Variants in FBXO28 observed in about 807,000 individuals in gnomAD.
FBXO28 encodes the protein F-box protein 28, also known as F-box only protein 28.
FBXO28 carries 8 observed loss-of-function variants against 38.1 expected under a neutral mutation model. That is an observed-to-expected ratio of 0.21 (90% CI 0.12 to 0.38). The LOEUF (loss-of-function observed/expected upper bound fraction) is 0.38. Ranked by LOEUF, FBXO28 falls within the 10% of genes least tolerant of loss-of-function variation. The probability of loss-of-function intolerance (pLI) is 1.00; values close to 1 mark genes in which losing one functional copy is unlikely to be tolerated. For missense variants in FBXO28, 345 were observed against 460.6 expected, an observed-to-expected ratio of 0.75 and a Z score of 2.30; for synonymous variants, 168 against 173.8, an observed-to-expected ratio of 0.97 and a Z score of 0.26.
chr1:224,135,594 AG>A (rs1657155721), intron 3 of FBXO28, among the ~76,000 whole-genome samples: 1 of 140,192 alleles, frequency 7.1e-6, no homozygotes, highest in Non-Finnish European at 1.5e-5. Context: ...CCTGGGCAAC[AG>A]AGCAAGACTC....
At chr1:224,129,083 G>T (rs1558189064) in intron 1 of FBXO28, among the ~76,000 whole-genome samples, 1 of 151,514 alleles carries the variant, frequency 6.6e-6, no homozygotes, top group African/African-American at 2.4e-5. Flanking sequence ...GCTCACACTT[G>T]TAATCCCAAC....
At chr1:224,139,311 G>T (rs1235213077) in intron 3 of FBXO28, among the ~76,000 whole-genome samples, 2 of 151,398 alleles carry the variant, frequency 1.3e-5, no homozygotes, top group African/African-American at 2.4e-5. Context: ...TCTTTTTTTT[G>T]TGTGTGTAAA....
At chr1:224,116,664 A>T (rs556307572) in intron 1 of FBXO28, among the ~76,000 whole-genome samples, 5 of 152,276 alleles carry the variant, frequency 3.3e-5, no homozygotes, top group African/African-American at 1.2e-4. Context: ...GTCTTATTGG[A>T]ACCTCAGTTA....
At chr1:224,156,433 A>G (rs1164247657) in intron 4 of FBXO28, among the ~76,000 whole-genome samples, 1 of 152,176 alleles carries the variant, frequency 6.6e-6, no homozygotes, top group Non-Finnish European at 1.5e-5. Flanking sequence ...CAGGCTGAGT[A>G]TCCCTTATCC....
At position 224,136,722 on chromosome 1, in the gene FBXO28, T is replaced by A. The variant is rs369438575; in HGVS notation, c.516+2510T>A. ...CAGCCTGGGCGACAGAGCAAGACTTTGTCTCCAGAAAAAAAAAAAGTTCAG... is the reference window on the plus strand; with the variant it reads ...CAGCCTGGGCGACAGAGCAAGACTTAGTCTCCAGAAAAAAAAAAAGTTCAG... On this transcript the variant is annotated intron_variant, in intron 3 of 4. Transcript: ENST00000366862. 9.3e-5 allele frequency among the ~76,000 whole-genome samples: 14 copies of A among 151,212 alleles called. 1 individual carries two copies. Among genetic ancestry groups the A allele is most frequent in the African/African-American group, 3.4e-4 (14 of 40,936 alleles).
chr1:224,125,820 G>A (rs552257046), intron 1 of FBXO28, among the ~76,000 whole-genome samples: 1 of 151,816 alleles, frequency 6.6e-6, no homozygotes, highest in South Asian at 2.1e-4. Context: ...TTTTATTTGG[G>A]GGTTCACCAC....
chr1:224,125,800 C>T (rs1036184552), intron 1 of FBXO28, among the ~76,000 whole-genome samples: 4 of 152,064 alleles, frequency 2.6e-5, no homozygotes, highest in African/African-American at 9.7e-5. Flanking sequence ...TGCCACCACA[C>T]CCAGCTAATT....
At chr1:224,122,604 A>G (rs1374177525) in intron 1 of FBXO28, among the ~76,000 whole-genome samples, 3 of 144,510 alleles carry the variant, frequency 2.1e-5, no homozygotes, top group African/African-American at 7.7e-5. Context: ...TTTTTTTTTT[A>G]CAGCCCCCCC....
At position 224,159,325 on chromosome 1, in the gene FBXO28, A is replaced by G. The variant is rs960420419; in HGVS notation, c.*1579A>G. 5.2e-5 allele frequency: 8 copies of G among 152,576 alleles called. No homozygotes were observed. The highest frequency in any genetic ancestry group is 8.8e-5 in the Non-Finnish European group (6 of 68,028). The allele number at this position is 152,576 out of a possible 1,614,324, so 9.5% of individuals were successfully genotyped here. On this transcript the variant is annotated 3_prime_UTR_variant, in exon 5 of 5. Transcript: ENST00000366862. ...TTTATCCGTCCACCGTGACATGGTT[A>G]TGCATCCTTTAGATTAACCTCACCA...
At chr1:224,146,669 C>CCA (rs1657513717) in intron 3 of FBXO28, among the ~76,000 whole-genome samples, 1 of 151,368 alleles carries the variant, frequency 6.6e-6, no homozygotes, top group African/African-American at 2.4e-5. Context: ...AAGCCACCAG[C>CCA]CACAGCCTGT....
Position 224,139,927 on chromosome 1 carries a change from T to TA in FBXO28, c.516+5725dup, listed in dbSNP as rs565658830. On this transcript the variant is annotated intron_variant, in intron 3 of 4. Transcript: ENST00000366862. Reference sequence around the variant, plus strand: ...GGCTGCAAAGTAAGACCCCCGTCTCTAAAAAAAAAATTAATTAGCTGGGTG... The same window carrying TA: ...GGCTGCAAAGTAAGACCCCCGTCTCTAAAAAAAAAAATTAATTAGCTGGGTG... 5.5e-3 allele frequency among the ~76,000 whole-genome samples: 822 copies of TA among 148,594 alleles called. 1 individual carries two copies. Among genetic ancestry groups the TA allele is most frequent in the African/African-American group, 9.7e-3 (394 of 40,674 alleles).
Position 224,154,921 on chromosome 1 carries a change from T to A in FBXO28, c.712+1584T>A, listed in dbSNP as rs78961947. ...TGAACCCAAGAGGCGGAGGTTGCGG[T>A]GAGCCAAGATCACGCCACTGCACTC... is the stretch of plus-strand genomic sequence containing the variant. On this transcript the variant is annotated intron_variant, in intron 4 of 4. Transcript: ENST00000366862. Among the ~76,000 whole-genome samples, 21 of 148,062 alleles carry A rather than the reference T, an allele frequency of 1.4e-4. No homozygotes were observed. The East Asian group carries it at 3.7e-3, about 26-fold the overall frequency.
rs150952458 is a variant in FBXO28, at chr1:224,133,610, C to T, written c.378-464C>T. Reference sequence around the variant, plus strand: ...TTGGTTCACTGCAACCTCCGACGCCCGGGTTCAAGCGAGTCTCCTGCCTCA... The same window carrying T: ...TTGGTTCACTGCAACCTCCGACGCCTGGGTTCAAGCGAGTCTCCTGCCTCA... On this transcript the variant is annotated intron_variant, in intron 2 of 4. Transcript: ENST00000366862. 9.0e-3 allele frequency among the ~76,000 whole-genome samples: 1,374 copies of T among 152,150 alleles called. 13 individuals are homozygous for T. Among genetic ancestry groups the T allele is most frequent in the Non-Finnish European group, 0.015 (1,045 of 68,014 alleles).
At chr1:224,137,096 T>G (rs1469872904) in intron 3 of FBXO28, among the ~76,000 whole-genome samples, 4 of 151,814 alleles carry the variant, frequency 2.6e-5, no homozygotes, top group Admixed American at 6.6e-5. Context: ...TTTTGTGGTT[T>G]TATATAGACT....
chr1:224,124,197 G>A (rs545076113), intron 1 of FBXO28, among the ~76,000 whole-genome samples: 2 of 152,262 alleles, frequency 1.3e-5, no homozygotes, highest in East Asian at 3.9e-4. Flanking sequence ...TTATTAAGAA[G>A]GACCATGGTA....
At chr1:224,114,619 G>A (rs904846636) in intron 1 of FBXO28, among the ~76,000 whole-genome samples, 1 of 152,272 alleles carries the variant, frequency 6.6e-6, no homozygotes, top group African/African-American at 2.4e-5. Flanking sequence ...CTTCCTGAGG[G>A]GACTTCGCCT....
At chr1:224,126,972 T>A (rs1656917781) in intron 1 of FBXO28, among the ~76,000 whole-genome samples, 1 of 152,194 alleles carries the variant, frequency 6.6e-6, no homozygotes, top group South Asian at 2.1e-4. Context: ...GTTGAGAAGT[T>A]AGCCCTGTTG....
chr1:224,149,464 C>T (rs1355223199), intron 3 of FBXO28, among the ~76,000 whole-genome samples: 4 of 152,020 alleles, frequency 2.6e-5, no homozygotes. Flanking sequence ...GTGCTGGCAC[C>T]GTAGGTATGA....
chr1:224,156,336 C>G (rs1286836249), intron 4 of FBXO28, among the ~76,000 whole-genome samples: 3 of 152,130 alleles, frequency 2.0e-5, no homozygotes, highest in Non-Finnish European at 4.4e-5. Context: ...ATGATGTAAC[C>G]CACTGTTTAG....
Sources: allele counts gnomAD v4.1 joint callset (sites outside exome capture counted in the v4.1 genomes callset), GRCh38; gene constraint gnomAD v4.1.1; transcripts MANE v1.5; gene names NCBI Gene and HGNC (gene_info 2026-07-23, HGNC 2026-07-21).